The following EML5 variants were observed in gnomAD, a reference collection of about 807,000 sequenced individuals.
EML5 encodes the protein echinoderm microtubule-associated protein-like 5.
A neutral mutation model predicts 250.0 loss-of-function variants in EML5; 120 were observed. The observed-to-expected ratio is 0.48, with a 90% confidence interval of 0.41 to 0.56. The LOEUF is 0.56. EML5 is among the 20% of genes least tolerant of loss of function. EML5 has a pLI of 0.00. For missense variants in EML5, 2,006 were observed against 2,437.6 expected, an observed-to-expected ratio of 0.82 and a Z score of 3.73; for synonymous variants, 771 against 806.5, an observed-to-expected ratio of 0.96 and a Z score of 0.75.
At position 88,628,194 on chromosome 14, in the gene EML5, T is replaced by A. The variant is rs527703132; in HGVS notation, c.4358-375A>T. 1.2e-3 allele frequency among the ~76,000 whole-genome samples: 180 copies of A among 152,134 alleles called. 1 individual carries two copies. Among genetic ancestry groups the A allele is most frequent in the Non-Finnish European group, 2.2e-3 (148 of 67,924 alleles). On this transcript the variant is annotated intron_variant, in intron 33 of 43. Coordinates refer to ENST00000554922, the MANE Select transcript of EML5 (RefSeq NM_183387.3). ...AACTATACAAATATTAAACAATAAA[T>A]ATTAAACACCAAGTATACATTCAGT...
At chr14:88,668,035 G>A (rs1380611371) in intron 21 of EML5, among the ~76,000 whole-genome samples, 1 of 152,190 alleles carries the variant, frequency 6.6e-6, no homozygotes, top group African/African-American at 2.4e-5. Flanking sequence ...CTCACTGAAT[G>A]TTCTGGTGGC....
intron 8 of EML5, among the ~76,000 whole-genome samples, chr14:88,719,584 A>G (rs1309311923): frequency 2.0e-5 from 3 of 152,166 alleles, no homozygotes; most frequent in Non-Finnish European, 4.4e-5. Context: ...AACACAGTGT[A>G]GCTTACTGTA....
intron 1 of EML5, among the ~76,000 whole-genome samples, chr14:88,758,350 G>A (rs1238832800): frequency 4.6e-5 from 7 of 151,694 alleles, no homozygotes; most frequent in Non-Finnish European, 1.0e-4. Context: ...GCACCACCAC[G>A]CCCAGCTAAT....
intron 16 of EML5, 95 bp from the exon 17 acceptor site, chr14:88,694,502 A>G (rs2093031128): frequency 1.2e-6 from 1 of 863,376 alleles, no homozygotes; most frequent in Admixed American, 3.0e-5. Flanking sequence ...TACTCTATTT[A>G]CGAATATTTT....
At chr14:88,654,353 T>A (rs558095535) in intron 27 of EML5, among the ~76,000 whole-genome samples, 4 of 152,308 alleles carry the variant, frequency 2.6e-5, no homozygotes, top group African/African-American at 9.6e-5. Flanking sequence ...CTTCTCTAGT[T>A]CTTTTAATTG....
Position 88,682,013 on chromosome 14 carries a change from C to A in EML5, c.3001G>T (p.Val1001Leu). Residue 1001 changes from valine to leucine, a missense_variant, in exon 21 of 44, where the codon GTG becomes TTG. Around this residue, in one of 7 missense-constraint regions of EML5, gnomAD observed 1,375 missense variants for 1,590.3 expected, o/e 0.86. Coordinates refer to ENST00000554922, the MANE Select transcript of EML5 (RefSeq NM_183387.3). ...LLVQGHMEGE[V>L]WGLATHPYLP... ...TAAGGGTGTGTAGCTAAACCCCACA[C>A]CTCTCCTTCCATGTGTCCCTATAAA... The A allele has an allele frequency of 6.2e-7, 1 of 1,604,944 alleles. No homozygotes were observed. Among genetic ancestry groups the A allele is most frequent in the Non-Finnish European group, 8.5e-7 (1 of 1,176,972 alleles).
intron 21 of EML5, among the ~76,000 whole-genome samples, chr14:88,669,165 A>C (rs999683546): frequency 1.3e-5 from 2 of 152,164 alleles, no homozygotes; most frequent in Non-Finnish European, 2.9e-5. Context: ...GGATCTGTGC[A>C]ACTGGTGGAT....
At chr14:88,739,895 C>T (rs1459349316) in intron 5 of EML5, among the ~76,000 whole-genome samples, 1 of 152,130 alleles carries the variant, frequency 6.6e-6, no homozygotes, top group African/African-American at 2.4e-5. Context: ...TTGCTGTTAA[C>T]AACATGGCAG....
intron 31 of EML5, among the ~76,000 whole-genome samples, chr14:88,639,275 A>G (rs2090923747): frequency 6.6e-6 from 1 of 152,206 alleles, no homozygotes; most frequent in Non-Finnish European, 1.5e-5. Flanking sequence ...GGCCTTCTAG[A>G]CAGAGGAACA....
intron 33 of EML5, among the ~76,000 whole-genome samples, chr14:88,630,299 G>A (rs771583902): frequency 1.3e-5 from 2 of 152,012 alleles, no homozygotes; most frequent in African/African-American, 2.4e-5. Flanking sequence ...CAAAGTGCTA[G>A]GATTACAGGC....
intron 7 of EML5, among the ~76,000 whole-genome samples, chr14:88,730,237 A>G (rs1375997967): frequency 6.6e-6 from 1 of 152,226 alleles, no homozygotes; most frequent in Non-Finnish European, 1.5e-5. Context: ...GGATACAAAT[A>G]TACATTACCA....
intron 8 of EML5, among the ~76,000 whole-genome samples, chr14:88,718,275 A>G (rs1035085580): frequency 4.6e-5 from 7 of 152,198 alleles, no homozygotes; most frequent in Admixed American, 2.6e-4. Context: ...TAACAGCTGG[A>G]GCTGTGCATC....
Position 88,618,796 on chromosome 14 carries a change from G to T in EML5, c.5392C>A (p.Arg1798=). Residue 1798 remains arginine (R), a synonymous_variant, in exon 40 of 44, where the codon CGG becomes AGG. Coordinates refer to ENST00000554922, the MANE Select transcript of EML5 (RefSeq NM_183387.3). Reference sequence around the variant, plus strand: ...TCACTAGAACCTACTGCCAGATACCGGGAATCCGGACTAAATCTGAATCAA... The same window carrying T: ...TCACTAGAACCTACTGCCAGATACCTGGAATCCGGACTAAATCTGAATCAA... ...IHDIRFSPDS[R]YLAVGSSENS... The T allele has an allele frequency of 1.3e-6, 2 of 1,589,380 alleles. No individual in the cohort carries two copies. The highest frequency in any genetic ancestry group is 2.3e-5 in the East Asian group (1 of 44,290).
At chr14:88,625,975 G>A (rs932362885) in intron 35 of EML5, 1 of 152,150 alleles carries the variant, frequency 6.6e-6, no homozygotes, top group Admixed American at 6.5e-5. Context: ...CAGATGAGAT[G>A]GAATAAAGTG....
chr14:88,725,587 G>A (rs763262923), intron 8 of EML5, among the ~76,000 whole-genome samples: 45 of 152,122 alleles, frequency 3.0e-4, no homozygotes, highest in Non-Finnish European at 5.7e-4. Context: ...TACATACCAC[G>A]TGAAGGATTA....
chr14:88,618,997 T>C (rs761995778), intron 39 of EML5, 185 bp from the exon 40 acceptor site: 5 of 458,194 alleles, frequency 1.1e-5, no homozygotes, highest in Non-Finnish European at 1.8e-5. Flanking sequence ...AAGGAAGCTT[T>C]ATATTTTACT....
intron 10 of EML5, among the ~76,000 whole-genome samples, chr14:88,708,807 T>C (rs2093359207): frequency 1.3e-5 from 2 of 152,120 alleles, no homozygotes; most frequent in African/African-American, 4.8e-5. Context: ...AGGTACCTTT[T>C]GATTATGAAA....
intron 2 of EML5, among the ~76,000 whole-genome samples, chr14:88,747,930 T>C (rs1444441480): frequency 7.0e-6 from 1 of 142,104 alleles, no homozygotes; most frequent in African/African-American, 2.5e-5. Flanking sequence ...ACAGAATACA[T>C]GAAACAAATG....
chr14:88,678,417 T>C (rs899694151), intron 21 of EML5, among the ~76,000 whole-genome samples: 11 of 152,138 alleles, frequency 7.2e-5, no homozygotes, highest in Non-Finnish European at 1.6e-4. Flanking sequence ...CTGCACATCC[T>C]GCACATGTAT....
Sources: allele counts gnomAD v4.1 joint callset (sites outside exome capture counted in the v4.1 genomes callset), GRCh38; gene constraint gnomAD v4.1.1; regional missense constraint gnomAD v4.1.1; transcripts MANE v1.5; gene names NCBI Gene and HGNC (gene_info 2026-07-23, HGNC 2026-07-21).